OR3A2: variants seen among roughly 807,000 people sequenced by gnomAD.
OR3A2 encodes olfactory receptor family 3 subfamily A member 2.
For synonymous variants in OR3A2, 126 were observed against 159.3 expected (o/e 0.79, Z 1.57); for missense variants, 318 against 392.8 (o/e 0.81, Z 1.61).
At position 3,279,125 on chromosome 17, in the gene OR3A2, T is replaced by G; in HGVS notation, c.-6-202A>C. 2 of 787,428 alleles carry G rather than the reference T, an allele frequency of 2.5e-6. No homozygotes were observed. The highest frequency in any genetic ancestry group is 2.0e-5 in the South Asian group (1 of 50,998). 48.8% of individuals were successfully genotyped at this position (787,428 alleles called of 1,614,324 possible). A position where few individuals can be genotyped will look rare whatever the true frequency, so the allele number is the denominator to read the frequency against. ...TGACACCACCACCTTGTCCTCCTCA[T>G]CCTCTGCTAGCTGAAAAGGTCAGAA... On this transcript the variant is annotated intron_variant, in intron 1 of 1. It removes an upstream start codon present in the reference 5' UTR. Coordinates refer to ENST00000642052, the Ensembl canonical transcript of OR3A2.
intron 2 of OR3A2, among the ~76,000 whole-genome samples, chr17:3,348,552 C>T (rs1258806918): frequency 2.0e-5 from 3 of 152,098 alleles, no homozygotes; most frequent in African/African-American, 7.2e-5. Context: ...ATCTACATCT[C>T]ACTGATGTAC....
At chr17:3,299,581 G>A (rs975767311) in intron 3 of OR3A2, among the ~76,000 whole-genome samples, 2 of 152,176 alleles carry the variant, frequency 1.3e-5, no homozygotes, top group African/African-American at 4.8e-5. Context: ...TGGAGAGGTT[G>A]CCGAGCCCTC....
At chr17:3,300,379 C>G (rs1300847086) in intron 3 of OR3A2, among the ~76,000 whole-genome samples, 1 of 152,048 alleles carries the variant, frequency 6.6e-6, no homozygotes, top group African/African-American at 2.4e-5. Context: ...GCCAACATGA[C>G]AAAACCCCAT....
At chr17:3,380,157 C>T (rs1259416854) in intron 2 of OR3A2, among the ~76,000 whole-genome samples, 2 of 152,172 alleles carry the variant, frequency 1.3e-5, no homozygotes, top group Non-Finnish European at 2.9e-5. Flanking sequence ...AGCAGATTAG[C>T]CTCTGTGGGT....
chr17:3,292,063 G>A (rs1227206773), intron 3 of OR3A2: 1 of 1,614,218 alleles, frequency 6.2e-7, no homozygotes, highest in South Asian at 1.1e-5. Flanking sequence ...ATCACATTGG[G>A]GCCACAGAAG....
chr17:3,319,531 A>C (rs1455363471), intron 3 of OR3A2, among the ~76,000 whole-genome samples: 1 of 151,668 alleles, frequency 6.6e-6, no homozygotes, highest in East Asian at 1.9e-4. Flanking sequence ...CCCCCATCCC[A>C]CCACCCCACA....
intron 3 of OR3A2, among the ~76,000 whole-genome samples, chr17:3,323,093 C>G (rs563318580): frequency 1.3e-5 from 2 of 152,270 alleles, no homozygotes; most frequent in Non-Finnish European, 2.9e-5. Flanking sequence ...GTTAGCTCTT[C>G]TTGTTGAATT....
chr17:3,348,112 T>C (rs1952318428), intron 2 of OR3A2, among the ~76,000 whole-genome samples: 1 of 152,120 alleles, frequency 6.6e-6, no homozygotes, highest in African/African-American at 2.4e-5. Context: ...TTCTTGTAAA[T>C]TTGTTTGAGT....
intron 3 of OR3A2, among the ~76,000 whole-genome samples, chr17:3,312,141 T>A (rs918021967): frequency 1.3e-5 from 2 of 152,094 alleles, no homozygotes; most frequent in Admixed American, 6.5e-5. Flanking sequence ...AAGTTACTGA[T>A]ACAAAGTGAA....
At chr17:3,295,465 AT>A (rs1194204483) in intron 3 of OR3A2, among the ~76,000 whole-genome samples, 1 of 152,110 alleles carries the variant, frequency 6.6e-6, no homozygotes, top group Non-Finnish European at 1.5e-5. Context: ...CTAGAAAAAA[AT>A]CTTCTAAAAT....
At chr17:3,306,675 T>A (rs2049002524) in intron 3 of OR3A2, among the ~76,000 whole-genome samples, 1 of 64,252 alleles carries the variant, frequency 1.6e-5, no homozygotes, top group African/African-American at 1.1e-4. Flanking sequence ...GCTCTACTAC[T>A]CTTCAAAAAA....
chr17:3,354,093 G>T (rs1260105794), intron 2 of OR3A2, among the ~76,000 whole-genome samples: 4 of 151,710 alleles, frequency 2.6e-5, no homozygotes, highest in African/African-American at 9.7e-5. Context: ...GCATTTTGTT[G>T]AAGATTTCTG....
intron 1 of OR3A2, among the ~76,000 whole-genome samples, chr17:3,283,721 A>C (rs1056961205): frequency 6.6e-6 from 1 of 152,126 alleles, no homozygotes; most frequent in Non-Finnish European, 1.5e-5. Flanking sequence ...CAAGCAGGTC[A>C]TGGACCAGTC....
At chr17:3,291,419 AT>A (rs1252860632) in intron 3 of OR3A2, 1 of 447,734 alleles carries the variant, frequency 2.2e-6, no homozygotes, top group African/African-American at 2.0e-5. Flanking sequence ...CTGAAGCTGA[AT>A]TTGTCTAAGG....
intron 2 of OR3A2, among the ~76,000 whole-genome samples, chr17:3,363,335 T>C (rs2049534756): frequency 6.6e-6 from 1 of 151,868 alleles, no homozygotes; most frequent in African/African-American, 2.4e-5. Flanking sequence ...CCAGATACTC[T>C]AAATGATCTG....
intron 3 of OR3A2, among the ~76,000 whole-genome samples, chr17:3,323,003 C>T (rs1055909169): frequency 1.3e-5 from 2 of 152,078 alleles, no homozygotes; most frequent in African/African-American, 4.8e-5. Flanking sequence ...GTGTGGGAGT[C>T]TAAGTCTCTT....
intron 2 of OR3A2, among the ~76,000 whole-genome samples, chr17:3,379,126 GAATA>G (rs2049711286): frequency 6.6e-6 from 1 of 152,152 alleles, no homozygotes; most frequent in Non-Finnish European, 1.5e-5. Flanking sequence ...TCAAGTGAAT[GAATA>G]GTCAAGCTAG....
At chr17:3,385,520 G>A (rs1289671407) in intron 1 of OR3A2, among the ~76,000 whole-genome samples, 1 of 152,188 alleles carries the variant, frequency 6.6e-6, no homozygotes, top group African/African-American at 2.4e-5. Context: ...CTTATTATAT[G>A]CCAGGCACTG....
At chr17:3,318,829 TACC>T (rs1275906965) in intron 3 of OR3A2, among the ~76,000 whole-genome samples, 5 of 152,216 alleles carry the variant, frequency 3.3e-5, no homozygotes, top group Non-Finnish European at 5.9e-5. Context: ...AGACAGATTG[TACC>T]ACCAATTCAG....
Sources: allele counts gnomAD v4.1 joint callset (sites outside exome capture counted in the v4.1 genomes callset), GRCh38; gene constraint gnomAD v4.1.1; transcripts MANE v1.5; gene names NCBI Gene and HGNC (gene_info 2026-07-23, HGNC 2026-07-21).